OXR1: variants seen among roughly 807,000 people sequenced by gnomAD.
The protein encoded by OXR1 is oxidation resistance protein 1.
In OXR1, 41 loss-of-function variants were observed where a neutral mutation model predicts 104.6. The observed-to-expected ratio is 0.39, with a 90% confidence interval of 0.31 to 0.51. OXR1 has a LOEUF of 0.51. Among genes scored for constraint, OXR1 ranks in the 20% least tolerant of loss-of-function variants. The pLI is 0.77. For missense variants in OXR1, 955 were observed against 1,031.9 expected, an observed-to-expected ratio of 0.93 and a Z score of 1.02; for synonymous variants, 348 against 348.4, an observed-to-expected ratio of 1.00 and a Z score of 0.01.
chr8:106,697,926 G>A, intron 7 of OXR1: 1 of 1,612,154 alleles, frequency 6.2e-7, no homozygotes, highest in East Asian at 2.2e-5. Context: ...ACTGGATCAG[G>A]ATCTGCTCCA....
intron 9 of OXR1, chr8:106,707,545 A>C: frequency 3.3e-6 from 1 of 304,362 alleles, no homozygotes; most frequent in South Asian, 8.3e-5. Context: ...CAAAGTTGTA[A>C]TCCCATCTTT....
chr8:106,508,643 C>T (rs1812328278), intron 2 of OXR1, among the ~76,000 whole-genome samples: 1 of 152,176 alleles, frequency 6.6e-6, no homozygotes, highest in African/African-American at 2.4e-5. Context: ...TTTATAATGA[C>T]TTAAGGATGT....
At chr8:106,674,092 C>T (rs1366317778) in intron 3 of OXR1, among the ~76,000 whole-genome samples, 2 of 152,154 alleles carry the variant, frequency 1.3e-5, no homozygotes, top group Non-Finnish European at 2.9e-5. Context: ...TCCTCCAGAC[C>T]TCAGAATGGT....
chr8:106,295,121 C>T (rs2130060837), intron 1 of OXR1, among the ~76,000 whole-genome samples: 1 of 152,210 alleles, frequency 6.6e-6, no homozygotes, highest in African/African-American at 2.4e-5. Context: ...TTTCAAGGAA[C>T]AAAAGGATAA....
At chr8:106,525,372 C>A (rs1184744441) in intron 3 of OXR1, among the ~76,000 whole-genome samples, 1 of 152,150 alleles carries the variant, frequency 6.6e-6, no homozygotes, top group Non-Finnish European at 1.5e-5. Flanking sequence ...TAGATAGGAT[C>A]CAGACCCAGT....
intron 3 of OXR1, among the ~76,000 whole-genome samples, chr8:106,560,780 G>C (rs370480275): frequency 7.0e-6 from 1 of 143,606 alleles, no homozygotes; most frequent in African/African-American, 2.6e-5. Context: ...GCAGAAGGTG[G>C]GTGATTTCTG....
At chr8:106,462,791 T>TC (rs35939807) in intron 2 of OXR1, among the ~76,000 whole-genome samples, 20,508 of 152,012 alleles carry the variant, frequency 0.13, 1,696 homozygotes, top group East Asian at 0.42. Flanking sequence ...CCACATTTTT[T>TC]CTCATGTGTT....
At chr8:106,447,830 G>A in intron 2 of OXR1, 3 of 1,339,614 alleles carry the variant, frequency 2.2e-6, no homozygotes, top group South Asian at 1.7e-5. Flanking sequence ...AGCTTGCTGT[G>A]TGGGATTTGG....
rs139334269 is a variant in OXR1 at position 106,457,765 on chromosome 8, G to T, written c.24-61178G>T. Among the ~76,000 whole-genome samples, 163 of 152,298 alleles carry T rather than the reference G, an allele frequency of 1.1e-3. 1 individual carries two copies. The highest frequency in any genetic ancestry group is 3.6e-3 in the African/African-American group (150 of 41,566). On this transcript the variant is annotated intron_variant, in intron 2 of 16. Coordinates refer to ENST00000517566, the MANE Select transcript of OXR1 (RefSeq NM_001198533.2). ...CTCCCAATTAGAAATGTAGAATAAG[G>T]TATTGGGAACTGAAGGAAAGGCCAT... is the stretch of plus-strand genomic sequence containing the variant.
chr8:106,528,161 C>T (rs1043169431), intron 3 of OXR1, among the ~76,000 whole-genome samples: 11 of 151,918 alleles, frequency 7.2e-5, no homozygotes, highest in African/African-American at 2.4e-4. Flanking sequence ...CTCTCTTTTT[C>T]CTTCTTTCCT....
chr8:106,477,285 G>T (rs1183740196), intron 2 of OXR1, among the ~76,000 whole-genome samples: 1 of 151,876 alleles, frequency 6.6e-6, no homozygotes, highest in African/African-American at 2.4e-5. Context: ...GAGACAGACT[G>T]CTCACACAGA....
intron 3 of OXR1, among the ~76,000 whole-genome samples, chr8:106,658,437 C>T (rs1205293523): frequency 6.6e-6 from 1 of 152,198 alleles, no homozygotes; most frequent in African/African-American, 2.4e-5. Flanking sequence ...CTCACCTAGA[C>T]TTGATTTTCT....
chr8:106,642,971 TA>T (rs2130952971), intron 3 of OXR1, among the ~76,000 whole-genome samples: 1 of 152,366 alleles, frequency 6.6e-6, no homozygotes, highest in South Asian at 2.1e-4. Context: ...TTCTTTAGAT[TA>T]ATGTGTTCAA....
intron 2 of OXR1, among the ~76,000 whole-genome samples, chr8:106,473,134 G>GT (rs1396654135): frequency 6.6e-6 from 1 of 151,894 alleles, no homozygotes. Context: ...TCTGAATGGG[G>GT]TAAGTGGATT....
At chr8:106,584,044 A>G (rs1818444026) in intron 3 of OXR1, among the ~76,000 whole-genome samples, 1 of 152,174 alleles carries the variant, frequency 6.6e-6, no homozygotes, top group Non-Finnish European at 1.5e-5. Context: ...ATCTAAAGAG[A>G]TTCTTAGCAT....
At chr8:106,676,794 T>C (rs1563694486) in intron 3 of OXR1, among the ~76,000 whole-genome samples, 1 of 152,278 alleles carries the variant, frequency 6.6e-6, no homozygotes, top group Non-Finnish European at 1.5e-5. Flanking sequence ...CTTTGGTATT[T>C]AGATCTGTGA....
chr8:106,487,925 T>A (rs1273362832), intron 2 of OXR1, among the ~76,000 whole-genome samples: 2 of 151,684 alleles, frequency 1.3e-5, no homozygotes, highest in Non-Finnish European at 2.9e-5. Context: ...TATAGTCCTT[T>A]GGGTATATAC....
intron 2 of OXR1, among the ~76,000 whole-genome samples, chr8:106,502,551 T>C (rs1331458640): frequency 1.3e-5 from 2 of 152,240 alleles, no homozygotes; most frequent in Non-Finnish European, 2.9e-5. Context: ...CATTGGGTTC[T>C]TATTTTTTAG....
intron 3 of OXR1, among the ~76,000 whole-genome samples, chr8:106,575,660 C>A (rs1458914299): frequency 6.7e-6 from 1 of 149,104 alleles, no homozygotes; most frequent in Non-Finnish European, 1.5e-5. Context: ...TTAATGATAG[C>A]AATCAACTTG....
Sources: gnomAD v4.1 joint callset for allele counts (sites outside exome capture counted in the v4.1 genomes callset) on GRCh38, gnomAD v4.1.1 for gene constraint, MANE v1.5 for transcripts, NCBI Gene and HGNC (gene_info 2026-07-23, HGNC 2026-07-21) for gene names.